Variants in SPATA16 observed in about 807,000 individuals in gnomAD.
SPATA16 encodes the protein spermatogenesis-associated protein 16.
A neutral mutation model predicts 63.3 loss-of-function variants in SPATA16; 36 were observed. The observed-to-expected ratio is 0.57, with a 90% CI of 0.44 to 0.75. The LOEUF is 0.75. Ranked by LOEUF, SPATA16 falls within the 30% of genes least tolerant of loss-of-function variation. The pLI, the probability that SPATA16 is intolerant of heterozygous loss-of-function variation, is 0.00. For missense variants in SPATA16, 646 were observed against 679.3 expected, an observed-to-expected ratio of 0.95 and a Z score of 0.54; for synonymous variants, 203 against 216.7, an observed-to-expected ratio of 0.94 and a Z score of 0.56.
chr3:172,938,805 G>T (rs956306267), intron 6 of SPATA16, among the ~76,000 whole-genome samples: 1 of 151,896 alleles, frequency 6.6e-6, no homozygotes, highest in African/African-American at 2.4e-5. Flanking sequence ...ACGTCTCTGA[G>T]TTGTTTTTCA....
At chr3:173,053,184 C>T (rs147457035) in intron 2 of SPATA16, among the ~76,000 whole-genome samples, 2,580 of 152,168 alleles carry the variant, frequency 0.017, 85 homozygotes, top group African/African-American at 0.059. Flanking sequence ...GGCGAAACCC[C>T]GTCTGTACTA....
intron 2 of SPATA16, among the ~76,000 whole-genome samples, chr3:173,111,939 T>C (rs766101130): frequency 1.1e-4 from 16 of 152,248 alleles, no homozygotes; most frequent in Non-Finnish European, 1.8e-4. Context: ...TAGCTTTTCA[T>C]AAAATTGAAA....
chr3:173,124,220 A>G (rs112661334), intron 1 of SPATA16, among the ~76,000 whole-genome samples: 2 of 152,210 alleles, frequency 1.3e-5, no homozygotes, highest in African/African-American at 4.8e-5. Flanking sequence ...TTCAGTTTGG[A>G]ACTGCAAGAA....
At position 172,913,695 on chromosome 3, in the gene SPATA16, T is replaced by C; in HGVS notation, c.1553A>G (p.Asn518Ser). ...CATATTCCACACACGTTCATTATTGTTTCTTCTTCCTTCAAGGGTGTCCAT... is the reference window on the plus strand; with the variant it reads ...CATATTCCACACACGTTCATTATTGCTTCTTCTTCCTTCAAGGGTGTCCAT... Reference protein sequence around the residue: ...DAMDTLEGRRNNNERVWNMIQ... With the variant: ...DAMDTLEGRRSNNERVWNMIQ... Residue 518 changes from asparagine to serine, a missense_variant, in exon 10 of 11, where the codon AAC becomes AGC. Coordinates refer to ENST00000351008, the MANE Select transcript of SPATA16 (RefSeq NM_031955.6). The C allele has an allele frequency of 6.2e-7, 1 of 1,613,878 alleles. No homozygotes were observed. Among genetic ancestry groups the C allele is most frequent in the Non-Finnish European group, 8.5e-7 (1 of 1,179,824 alleles).
At chr3:173,062,929 C>T (rs988448133) in intron 2 of SPATA16, among the ~76,000 whole-genome samples, 1 of 152,170 alleles carries the variant, frequency 6.6e-6, no homozygotes, top group Non-Finnish European at 1.5e-5. Flanking sequence ...ACTCTAATGC[C>T]CCCGCTGATC....
intron 2 of SPATA16, among the ~76,000 whole-genome samples, chr3:173,093,401 AC>A (rs1260608398): frequency 6.6e-6 from 1 of 152,256 alleles, no homozygotes; most frequent in East Asian, 1.9e-4. Flanking sequence ...GAGCATGTTT[AC>A]ACATCTTATT....
At chr3:173,002,688 C>T (rs981477538) in intron 4 of SPATA16, among the ~76,000 whole-genome samples, 3 of 152,138 alleles carry the variant, frequency 2.0e-5, no homozygotes, top group Non-Finnish European at 4.4e-5. Flanking sequence ...ACAAAATTAT[C>T]TTATACAGCA....
At chr3:172,976,698 C>T (rs967894223) in intron 5 of SPATA16, among the ~76,000 whole-genome samples, 2 of 152,088 alleles carry the variant, frequency 1.3e-5, no homozygotes. Context: ...ATTATAGTAG[C>T]ACGCCTGGAA....
rs1560118938 is a variant in SPATA16, at chr3:173,088,068, TTCTTTCTTTCTGTCTTTTC to T, written c.612+29033_612+29051del. Among the ~76,000 whole-genome samples, 8 of 130,826 alleles carry T rather than the reference TTCTTTCTTTCTGTCTTTTC, an allele frequency of 6.1e-5. No homozygotes were observed. The East Asian group carries it at 9.0e-4, about 15-fold the overall frequency. The allele number at this position is 130,826 out of a possible 152,430, so 85.8% of individuals were successfully genotyped here. A position where few individuals can be genotyped will look rare whatever the true frequency, so the allele number is the denominator to read the frequency against. On this transcript the variant is annotated intron_variant, in intron 2 of 10. Transcript: ENST00000351008. ...TTTCTTTCTTTCTTTCTTTCTTTCT[TTCTTTCTTTCTGTCTTTTC>T]TTTTTTTTTTTTTTTTGAGATGGAG... is the stretch of plus-strand genomic sequence containing the variant.
intron 1 of SPATA16, among the ~76,000 whole-genome samples, chr3:173,139,650 A>G (rs1738645265): frequency 6.6e-6 from 1 of 152,222 alleles, no homozygotes; most frequent in East Asian, 1.9e-4. Flanking sequence ...ATGCAGTGAA[A>G]TTCTATGTAG....
chr3:173,072,748 A>C (rs1736703573), intron 2 of SPATA16, among the ~76,000 whole-genome samples: 1 of 152,170 alleles, frequency 6.6e-6, no homozygotes, highest in Non-Finnish European at 1.5e-5. Context: ...ATGGACTAAT[A>C]CAGTAAATTG....
At chr3:173,005,928 T>C (rs991906261) in intron 4 of SPATA16, among the ~76,000 whole-genome samples, 1 of 152,230 alleles carries the variant, frequency 6.6e-6, no homozygotes, top group African/African-American at 2.4e-5. Flanking sequence ...GTTTTTGTTA[T>C]AAGATTATAT....
chr3:172,948,324 G>C (rs747789007), intron 6 of SPATA16, among the ~76,000 whole-genome samples: 6 of 152,184 alleles, frequency 3.9e-5, no homozygotes, highest in Non-Finnish European at 5.9e-5. Flanking sequence ...GGAGTAGCAT[G>C]ACATATTTAA....
At chr3:172,951,910 C>A (rs1453789589) in intron 6 of SPATA16, among the ~76,000 whole-genome samples, 1 of 152,208 alleles carries the variant, frequency 6.6e-6, no homozygotes. Flanking sequence ...CCAAAATCTT[C>A]AAGGTACAGA....
At chr3:173,005,892 G>A (rs923761626) in intron 4 of SPATA16, among the ~76,000 whole-genome samples, 1 of 152,216 alleles carries the variant, frequency 6.6e-6, no homozygotes, top group East Asian at 1.9e-4. Context: ...TCAACTGCCT[G>A]CTGTCACTGG....
chr3:173,118,289 A>G (rs1737961005), intron 1 of SPATA16, among the ~76,000 whole-genome samples: 1 of 152,204 alleles, frequency 6.6e-6, no homozygotes, highest in Admixed American at 6.5e-5. Context: ...CAAGTTTAAA[A>G]AGCTCATAGA....
chr3:173,087,888 G>A (rs1223374813), intron 2 of SPATA16, among the ~76,000 whole-genome samples: 1 of 152,046 alleles, frequency 6.6e-6, no homozygotes, highest in African/African-American at 2.4e-5. Context: ...CCACGGAGAG[G>A]TCTGCTGTTA....
chr3:172,924,254 T>A lies in SPATA16; in HGVS notation c.1292A>T (p.Lys431Met). The A allele has an allele frequency of 6.2e-7, 1 of 1,613,538 alleles. No individual in the cohort carries two copies. Among genetic ancestry groups the A allele is most frequent in the East Asian group, 2.2e-5 (1 of 44,820 alleles). Residue 431 changes from lysine to methionine, a missense_variant, in exon 8 of 11, where the codon AAG (lysine) becomes ATG (methionine). Transcript: ENST00000351008. ...AAAATCCAATATTGGCAAGATTCGC[T>A]TCCCCATTGTCTCCATTTGCCTCAC... ...DTVRQMETMG[K>M]RILPILDFIR...
chr3:172,986,674 G>T (rs929296215), intron 4 of SPATA16, among the ~76,000 whole-genome samples: 1 of 151,924 alleles, frequency 6.6e-6, no homozygotes, highest in Non-Finnish European at 1.5e-5. Context: ...ATTTTGAGCA[G>T]GGGGGGGAAT....
Sources: gnomAD v4.1 joint callset for allele counts (sites outside exome capture counted in the v4.1 genomes callset) on GRCh38, gnomAD v4.1.1 for gene constraint, MANE v1.5 for transcripts, NCBI Gene and HGNC (gene_info 2026-07-23, HGNC 2026-07-21) for gene names.